Variants in ADGRA3 observed in about 807,000 individuals in gnomAD.
ADGRA3 encodes adhesion G protein-coupled receptor A3, also known as G-protein coupled receptor 125.
A neutral mutation model predicts 119.8 loss-of-function variants in ADGRA3; 56 were observed. The ratio of observed to expected loss-of-function variants is 0.47; its 90% CI spans 0.38 to 0.58. The LOEUF is 0.58. Ranked by LOEUF, ADGRA3 falls within the 20% of genes least tolerant of loss-of-function variation. The pLI, the probability that ADGRA3 is intolerant of heterozygous loss-of-function variation, is 0.00. For synonymous variants in ADGRA3, 607 were observed against 623.8 expected (o/e 0.97, Z 0.40); for missense variants, 1,516 against 1,649.0 (o/e 0.92, Z 1.40).
At chr4:22,511,204 T>A (rs1719435924) in intron 1 of ADGRA3, among the ~76,000 whole-genome samples, 1 of 152,212 alleles carries the variant, frequency 6.6e-6, no homozygotes, top group Admixed American at 6.5e-5. Context: ...AAACTTTCCA[T>A]CAATGAAATC....
chr4:22,479,058 T>C (rs1025204051), intron 1 of ADGRA3, among the ~76,000 whole-genome samples: 1 of 152,002 alleles, frequency 6.6e-6, no homozygotes, highest in East Asian at 1.9e-4. Flanking sequence ...ACCTCCCCAA[T>C]AGATGCGGCC....
At position 22,447,478 on chromosome 4, in the gene ADGRA3, A is replaced by C; in HGVS notation, c.507T>G (p.Ser169=). 6.3e-7 allele frequency: 1 copy of C among 1,581,214 alleles called. No homozygotes were observed. The highest frequency in any genetic ancestry group is 8.6e-7 in the Non-Finnish European group (1 of 1,166,280). ...NLSGNLFSSL[S]QGTFDYLASL... ...ACGCAAGATAATCAAAAGTTCCTTG[A>C]GATAATGAAGAAAACAAATTCCCCG... The change falls in exon 5 of 19, where the codon TCT becomes TCG. Residue 169 remains serine, a synonymous_variant. Transcript: ENST00000334304.
Position 22,515,883 on chromosome 4 carries a change from AC to A in ADGRA3, c.-100del. On this transcript the variant is annotated 5_prime_UTR_variant, in exon 1 of 19. It removes the in-frame stop codon of an upstream open reading frame in the 5' UTR. Coordinates refer to ENST00000334304, the MANE Select transcript of ADGRA3 (RefSeq NM_145290.4). ...GGAGCGCGGCGCGGGCCCAGCGGCGACCGGAGCCTTATGGCGGCCGGAGGAC... is the reference window on the plus strand; with the variant it reads ...GGAGCGCGGCGCGGGCCCAGCGGCGACGGAGCCTTATGGCGGCCGGAGGAC... 3.6e-6 allele frequency: 3 copies of A among 830,288 alleles called. No homozygotes were observed. The highest frequency in any genetic ancestry group is 4.3e-6 in the Non-Finnish European group (3 of 689,926). The allele number at this position is 830,288 out of a possible 1,614,324, so 51.4% of individuals were successfully genotyped here.
intron 15 of ADGRA3, among the ~76,000 whole-genome samples, chr4:22,402,039 C>T (rs1379904515): frequency 6.6e-6 from 1 of 152,134 alleles, no homozygotes; most frequent in East Asian, 1.9e-4. Flanking sequence ...ATCAAAATCT[C>T]CTTTTGTTTC....
At chr4:22,491,301 G>A (rs13103323) in intron 1 of ADGRA3, among the ~76,000 whole-genome samples, 13 of 152,042 alleles carry the variant, frequency 8.6e-5, no homozygotes, top group African/African-American at 3.1e-4. Context: ...CAGGCCAAGA[G>A]GCAAGATCCA....
chr4:22,408,751 C>T (rs28619455), intron 14 of ADGRA3, among the ~76,000 whole-genome samples: 1 of 152,062 alleles, frequency 6.6e-6, no homozygotes, highest in African/African-American at 2.4e-5. Flanking sequence ...AAGCTAAACA[C>T]ATGGAAAGCC....
At chr4:22,512,824 A>G (rs1309831769) in intron 1 of ADGRA3, among the ~76,000 whole-genome samples, 1 of 152,198 alleles carries the variant, frequency 6.6e-6, no homozygotes, top group East Asian at 1.9e-4. Flanking sequence ...CAAGCCACCA[A>G]GCCTGTAGTA....
At chr4:22,396,148 G>C (rs758527829) in intron 16 of ADGRA3, among the ~76,000 whole-genome samples, 4 of 152,078 alleles carry the variant, frequency 2.6e-5, no homozygotes, top group Non-Finnish European at 4.4e-5. Flanking sequence ...TGAGTCAACG[G>C]CCCTTGCACT....
At chr4:22,483,185 CTCTT>C (rs1484146021) in intron 1 of ADGRA3, among the ~76,000 whole-genome samples, 2 of 152,174 alleles carry the variant, frequency 1.3e-5, no homozygotes, top group Admixed American at 6.5e-5. Context: ...TCTGTTTTCT[CTCTT>C]TATTTTTCAT....
At chr4:22,500,583 TAGG>T (rs1030681822) in intron 1 of ADGRA3, among the ~76,000 whole-genome samples, 2 of 152,192 alleles carry the variant, frequency 1.3e-5, no homozygotes, top group African/African-American at 4.8e-5. Context: ...AAACCAGTTT[TAGG>T]AGGAAGTTAA....
At chr4:22,462,019 G>A in intron 2 of ADGRA3, among the ~76,000 whole-genome samples, 1 of 152,070 alleles carries the variant, frequency 6.6e-6, no homozygotes, top group East Asian at 1.9e-4. Flanking sequence ...TTTTGGTTTG[G>A]TCAATAAAAT....
chr4:22,403,528 A>G (rs1167025987), intron 14 of ADGRA3, among the ~76,000 whole-genome samples: 1 of 151,974 alleles, frequency 6.6e-6, no homozygotes, highest in African/African-American at 2.4e-5. Flanking sequence ...TGAGCTCAGG[A>G]GTTCGAGACC....
intron 12 of ADGRA3, chr4:22,414,146 G>C (rs1204300984): frequency 4.6e-6 from 1 of 216,660 alleles, no homozygotes; most frequent in Non-Finnish European, 9.1e-6. Flanking sequence ...CAATGATCAG[G>C]CTGTATCAAT....
intron 14 of ADGRA3, among the ~76,000 whole-genome samples, chr4:22,409,611 T>G (rs1024180248): frequency 2.0e-5 from 3 of 152,114 alleles, no homozygotes; most frequent in African/African-American, 7.2e-5. Context: ...TGAATGTATA[T>G]AAAGACATCA....
At chr4:22,402,838 T>G in intron 14 of ADGRA3, 39 bp from the exon 15 acceptor site, 1 of 1,577,690 alleles carries the variant, frequency 6.3e-7, no homozygotes, top group Non-Finnish European at 8.6e-7. Flanking sequence ...GCAGTACTTC[T>G]CTCCACATTT....
intron 7 of ADGRA3, among the ~76,000 whole-genome samples, chr4:22,441,932 A>G (rs1716631077): frequency 6.6e-6 from 1 of 152,178 alleles, no homozygotes; most frequent in East Asian, 1.9e-4. Context: ...GTTTTTCAGT[A>G]ATCTTTCATA....
chr4:22,504,701 T>C (rs1482072086), intron 1 of ADGRA3, among the ~76,000 whole-genome samples: 1 of 151,594 alleles, frequency 6.6e-6, no homozygotes, highest in East Asian at 2.0e-4. Context: ...TCACATGAGG[T>C]AGCTGCCCTC....
At chr4:22,434,242 A>G (rs1183912670) in intron 10 of ADGRA3, among the ~76,000 whole-genome samples, 10 of 148,828 alleles carry the variant, frequency 6.7e-5, no homozygotes, top group Admixed American at 4.0e-4. Context: ...AAGTGTGTGT[A>G]TATATAATTG....
intron 12 of ADGRA3, 154 bp from the exon 13 acceptor site, chr4:22,413,968 C>T (rs891736821): frequency 1.3e-5 from 7 of 551,906 alleles, no homozygotes; most frequent in Non-Finnish European, 2.2e-5. Flanking sequence ...AATCATCAGT[C>T]AAGCGAAATG....
Sources: gnomAD v4.1 joint callset for allele counts (sites outside exome capture counted in the v4.1 genomes callset) on GRCh38, gnomAD v4.1.1 for gene constraint, MANE v1.5 for transcripts, NCBI Gene and HGNC (gene_info 2026-07-23, HGNC 2026-07-21) for gene names.